The following SLC18A1 variants were observed in gnomAD, a reference collection of about 807,000 sequenced individuals.
The protein encoded by SLC18A1 is solute carrier family 18 member A1, also known as chromaffin granule amine transporter.
A neutral mutation model predicts 53.7 loss-of-function variants in SLC18A1; 69 were observed. That is an observed-to-expected ratio of 1.28 (90% CI 1.06 to 1.57). The LOEUF is 1.57. Among genes scored for constraint, SLC18A1 ranks in the 40% most tolerant of loss-of-function variants. The pLI is 0.00. For missense variants in SLC18A1, 932 were observed against 668.1 expected (o/e 1.40, Z -4.35); for synonymous variants, 320 against 248.1 (o/e 1.29, Z -2.72).
chr8:20,167,599 C>G (rs1018024870), intron 8 of SLC18A1, among the ~76,000 whole-genome samples: 2 of 151,862 alleles, frequency 1.3e-5, no homozygotes, highest in Non-Finnish European at 2.9e-5. Context: ...CACATTGAGT[C>G]CCCATAGTTT....
At chr8:20,171,371 C>G in intron 7 of SLC18A1, 34 bp downstream of exon 7, 2 of 1,563,174 alleles carry the variant, frequency 1.3e-6, no homozygotes, top group Non-Finnish European at 1.8e-6. Context: ...CTGACCTGGG[C>G]TGTCACCTGC....
At chr8:20,157,041 T>A (rs2071700044) in intron 10 of SLC18A1, among the ~76,000 whole-genome samples, 1 of 152,152 alleles carries the variant, frequency 6.6e-6, no homozygotes, top group Non-Finnish European at 1.5e-5. Flanking sequence ...GGTGCAGGAC[T>A]GCTACATCGG....
intron 11 of SLC18A1, among the ~76,000 whole-genome samples, 185 bp downstream of exon 11, chr8:20,150,481 A>C (rs541426325): frequency 4.6e-4 from 70 of 152,172 alleles, no homozygotes; most frequent in Non-Finnish European, 7.9e-4. Flanking sequence ...AGCTCAGGAC[A>C]ATCCATTCTC....
intron 4 of SLC18A1, among the ~76,000 whole-genome samples, chr8:20,178,114 T>C (rs951838166): frequency 7.5e-5 from 8 of 106,888 alleles, no homozygotes. Context: ...GGATTACTGA[T>C]GCATATAACA....
Position 20,166,287 on chromosome 8 carries a change from G to GTGTGTGTGTATATA in SLC18A1, c.859-1181_859-1180insTATATACACACACA, listed in dbSNP as rs1235212014. Among the ~76,000 whole-genome samples, 14 of 78,996 alleles carry GTGTGTGTGTATATA rather than the reference G, an allele frequency of 1.8e-4. 1 individual carries two copies. The highest frequency in any genetic ancestry group is 6.6e-4 in the African/African-American group (12 of 18,208). 51.8% of individuals were successfully genotyped at this position (78,996 alleles called of 152,430 possible). A position where few individuals can be genotyped will look rare whatever the true frequency, so the allele number is the denominator to read the frequency against. On this transcript the variant is annotated intron_variant, in intron 8 of 15. Coordinates refer to ENST00000276373, the MANE Select transcript of SLC18A1 (RefSeq NM_003053.4). ...CAAAATTGTGTGTGGGTGTGTGTGT[G>GTGTGTGTGTATATA]TCTATATATATATATATATATATAT...
At chr8:20,175,439 T>C (rs1014098848) in intron 4 of SLC18A1, 11 of 152,188 alleles carry the variant, frequency 7.2e-5, no homozygotes, top group Admixed American at 2.6e-4. Flanking sequence ...GTGATAAATG[T>C]CCATGAAATC....
At chr8:20,175,531 T>C (rs2072233259) in intron 4 of SLC18A1, 1 of 152,216 alleles carries the variant, frequency 6.6e-6, no homozygotes, top group African/African-American at 2.4e-5. Context: ...CTAATAAATG[T>C]CCATGAAATC....
chr8:20,166,419 C>CA (rs1247637180), intron 8 of SLC18A1, among the ~76,000 whole-genome samples: 13 of 143,112 alleles, frequency 9.1e-5, no homozygotes, highest in South Asian at 2.2e-4. Flanking sequence ...AAGGAGAACG[C>CA]AAAAAAAAGA....
At chr8:20,152,953 A>T (rs980587058) in intron 10 of SLC18A1, among the ~76,000 whole-genome samples, 1 of 152,170 alleles carries the variant, frequency 6.6e-6, no homozygotes, top group Non-Finnish European at 1.5e-5. Context: ...AGTGATGGAA[A>T]CACGACAGTT....
intron 13 of SLC18A1, 93 bp from the exon 14 acceptor site, chr8:20,147,815 C>T (rs1180379150): frequency 2.6e-5 from 40 of 1,549,616 alleles, no homozygotes; most frequent in Non-Finnish European, 3.2e-5. Context: ...GCTTTGTCTG[C>T]TGTCTTCTGC....
At chr8:20,151,601 T>G (rs1304365428) in intron 10 of SLC18A1, among the ~76,000 whole-genome samples, 1 of 152,206 alleles carries the variant, frequency 6.6e-6, no homozygotes, top group East Asian at 1.9e-4. Context: ...TGGAGCAAAT[T>G]AGGTAATGCA....
chr8:20,157,725 C>A (rs2071718535), intron 10 of SLC18A1, among the ~76,000 whole-genome samples: 2 of 152,108 alleles, frequency 1.3e-5, no homozygotes, highest in Admixed American at 1.3e-4. Flanking sequence ...AGGCCCAGAG[C>A]AAAACTTAGA....
intron 11 of SLC18A1, 143 bp downstream of exon 11, chr8:20,150,523 T>C (rs2071523837): frequency 2.7e-6 from 2 of 747,202 alleles, no homozygotes; most frequent in African/African-American, 3.4e-5. Flanking sequence ...TCACTGCCCA[T>C]CCTCCCAGTG....
chr8:20,175,076 G>A (rs952859), intron 4 of SLC18A1, among the ~76,000 whole-genome samples: 2 of 152,070 alleles, frequency 1.3e-5, no homozygotes, highest in East Asian at 1.9e-4. Context: ...GTTATTGTCC[G>A]TGAAGAGAGG....
chr8:20,178,182 T>C (rs1299770196), intron 4 of SLC18A1, among the ~76,000 whole-genome samples: 1 of 150,700 alleles, frequency 6.6e-6, no homozygotes, highest in East Asian at 2.0e-4. Flanking sequence ...ACAGCTCTCA[T>C]TATGTCCAGC....
intron 8 of SLC18A1, among the ~76,000 whole-genome samples, chr8:20,168,645 T>G (rs904380398): frequency 2.6e-5 from 4 of 152,174 alleles, no homozygotes; most frequent in African/African-American, 9.7e-5. Flanking sequence ...AGTGGCTTAC[T>G]GCAACCTCCG....
At chr8:20,157,068 G>A (rs116808993) in intron 10 of SLC18A1, among the ~76,000 whole-genome samples, 3,545 of 152,190 alleles carry the variant, frequency 0.023, 161 homozygotes, top group African/African-American at 0.082. Flanking sequence ...TAACTAATCC[G>A]GTAAGCAGAT....
chr8:20,149,168 G>A (rs370930267), intron 12 of SLC18A1, among the ~76,000 whole-genome samples: 16 of 152,218 alleles, frequency 1.1e-4, no homozygotes, highest in African/African-American at 3.9e-4. Context: ...AGAACTTGAG[G>A]GGGATTCTTG....
At chr8:20,154,570 T>C in intron 10 of SLC18A1, among the ~76,000 whole-genome samples, 1 of 152,176 alleles carries the variant, frequency 6.6e-6, no homozygotes, top group African/African-American at 2.4e-5. Context: ...TCCATCTAGA[T>C]GTTGCAGGAA....
Sources: gnomAD v4.1 joint callset for allele counts (sites outside exome capture counted in the v4.1 genomes callset) on GRCh38, gnomAD v4.1.1 for gene constraint, MANE v1.5 for transcripts, NCBI Gene and HGNC (gene_info 2026-07-23, HGNC 2026-07-21) for gene names.